Variants in IL19 observed in about 807,000 individuals in gnomAD.
The protein encoded by IL19 is interleukin-19.
A neutral mutation model predicts 19.5 loss-of-function variants in IL19; 15 were observed. The ratio of observed to expected loss-of-function variants is 0.77; its 90% CI spans 0.52 to 1.19. The LOEUF (loss-of-function observed/expected upper bound fraction) is 1.19. IL19 is among the 50% of genes most tolerant of loss of function. IL19 has a pLI of 0.00. For missense variants in IL19, 199 were observed against 213.1 expected (o/e 0.93, Z 0.41); for synonymous variants, 78 against 78.3 (o/e 1.00, Z 0.02).
At chr1:206,799,791 T>C (rs1178002966) in intron 2 of IL19, among the ~76,000 whole-genome samples, 1 of 152,204 alleles carries the variant, frequency 6.6e-6, no homozygotes, top group Non-Finnish European at 1.5e-5. Flanking sequence ...ACATCATCAA[T>C]GGTGTCCCAA....
intron 2 of IL19, among the ~76,000 whole-genome samples, chr1:206,804,683 A>G (rs913578659): frequency 1.3e-5 from 2 of 152,208 alleles, no homozygotes; most frequent in Admixed American, 6.5e-5. Context: ...TCAAACAGAG[A>G]TGCAAGAGAG....
intron 1 of IL19, among the ~76,000 whole-genome samples, chr1:206,793,025 A>G (rs1675443301): frequency 6.6e-6 from 1 of 152,232 alleles, no homozygotes; most frequent in Non-Finnish European, 1.5e-5. Context: ...AATGGTTTGC[A>G]TTTTAATGAC....
At chr1:206,816,423 A>G (rs1417640305) in intron 2 of IL19, among the ~76,000 whole-genome samples, 1 of 152,216 alleles carries the variant, frequency 6.6e-6, no homozygotes. Context: ...AGGCTCTTAT[A>G]CCTTACATGA....
intron 2 of IL19, among the ~76,000 whole-genome samples, chr1:206,814,462 G>A (rs1437660674): frequency 6.7e-6 from 1 of 148,790 alleles, no homozygotes; most frequent in East Asian, 1.9e-4. Context: ...AGGCTAAGGT[G>A]GGCAGATCAC....
chr1:206,807,103 G>A (rs1029960467), intron 2 of IL19, among the ~76,000 whole-genome samples: 10 of 152,144 alleles, frequency 6.6e-5, no homozygotes, highest in Non-Finnish European at 1.5e-4. Context: ...GCTGAGCAAA[G>A]AGGGAAAAGC....
intron 2 of IL19, among the ~76,000 whole-genome samples, chr1:206,825,478 T>C (rs1302933984): frequency 6.6e-6 from 1 of 152,246 alleles, no homozygotes; most frequent in Non-Finnish European, 1.5e-5. Context: ...TTTTGTTTAA[T>C]CTTCAACTTA....
At chr1:206,806,164 G>A (rs535743051) in intron 2 of IL19, among the ~76,000 whole-genome samples, 118 of 152,314 alleles carry the variant, frequency 7.7e-4, no homozygotes, top group African/African-American at 2.6e-3. Flanking sequence ...CAATTGAGAA[G>A]CGTTGTTGCC....
At chr1:206,834,775 T>C (rs1383302832) in intron 2 of IL19, among the ~76,000 whole-genome samples, 1 of 152,198 alleles carries the variant, frequency 6.6e-6, no homozygotes, top group Non-Finnish European at 1.5e-5. Flanking sequence ...AGAAATGGGT[T>C]CCTGTCTGTC....
At chr1:206,822,270 G>A (rs997319806) in intron 2 of IL19, among the ~76,000 whole-genome samples, 1 of 152,202 alleles carries the variant, frequency 6.6e-6, no homozygotes, top group Non-Finnish European at 1.5e-5. Flanking sequence ...AGCAAGATAA[G>A]TGGGAATGGC....
At chr1:206,795,925 ATATGTGTGTG>A (rs1181858544) in intron 1 of IL19, among the ~76,000 whole-genome samples, 4,459 of 132,318 alleles carry the variant, frequency 0.034, 111 homozygotes, top group Non-Finnish European at 0.046. Flanking sequence ...ATAAATATAT[ATATGTGTGTG>A]TGTGTGTGTG....
In IL19 at chr1:206,778,843, A is replaced by G. The variant is rs76272976; in HGVS notation, c.-149+7765A>G. Among the ~76,000 whole-genome samples, 24 of 152,298 alleles carry G rather than the reference A, an allele frequency of 1.6e-4. No individual in the cohort carries two copies. The East Asian group carries it at 4.0e-3, about 26-fold the overall frequency. ...TTCCTTGCCAATCTATGTTCAATCT[A>G]TCACCAGAACCTCCACATTTTTCTT... On this transcript the variant is annotated intron_variant, in intron 1 of 6. Transcript: ENST00000659997.
At chr1:206,785,700 T>C (rs1218549298) in intron 1 of IL19, among the ~76,000 whole-genome samples, 1 of 152,248 alleles carries the variant, frequency 6.6e-6, no homozygotes, top group Non-Finnish European at 1.5e-5. Context: ...ATTTCAGATG[T>C]TGCCTGAGGC....
chr1:206,790,706 C>A (rs1279992200), intron 1 of IL19, among the ~76,000 whole-genome samples: 1 of 152,140 alleles, frequency 6.6e-6, no homozygotes, highest in African/African-American at 2.4e-5. Context: ...CGAACTTGTC[C>A]GGGCCTCTGA....
chr1:206,776,909 C>CAAAAAAAAA (rs1186364224), intron 1 of IL19, among the ~76,000 whole-genome samples: 5 of 50,468 alleles, frequency 9.9e-5, no homozygotes, highest in Non-Finnish European at 1.8e-4. Flanking sequence ...CTTGCAACTA[C>CAAAAAAAAA]AAAAAAAAAA....
intron 2 of IL19, among the ~76,000 whole-genome samples, chr1:206,819,995 C>G (rs1039065995): frequency 6.6e-6 from 1 of 152,174 alleles, no homozygotes; most frequent in African/African-American, 2.4e-5. Context: ...TGGGCCATCC[C>G]CCTTTCCTTC....
intron 1 of IL19, among the ~76,000 whole-genome samples, chr1:206,779,547 C>T (rs1401136848): frequency 6.6e-6 from 1 of 152,158 alleles, no homozygotes; most frequent in Non-Finnish European, 1.5e-5. Flanking sequence ...AAAATAAATG[C>T]CAAATTGTTA....
chr1:206,790,990 G>A (rs904583653), intron 1 of IL19, among the ~76,000 whole-genome samples: 1 of 152,128 alleles, frequency 6.6e-6, no homozygotes, highest in Non-Finnish European at 1.5e-5. Context: ...ATTCTCTGTT[G>A]TGTGGTGCCT....
At chr1:206,824,472 G>C (rs1572567965) in intron 2 of IL19, among the ~76,000 whole-genome samples, 3 of 152,208 alleles carry the variant, frequency 2.0e-5, no homozygotes, top group Admixed American at 6.5e-5. Context: ...TTAAGTTTAT[G>C]TTTCTTGCAT....
intron 2 of IL19, among the ~76,000 whole-genome samples, chr1:206,836,431 T>G (rs557448872): frequency 2.3e-3 from 302 of 129,224 alleles, no homozygotes; most frequent in Non-Finnish European, 3.7e-3. Context: ...TTTTCTGGGG[T>G]GGAGGTGGGG....
Sources: gnomAD v4.1 joint callset for allele counts (sites outside exome capture counted in the v4.1 genomes callset) on GRCh38, gnomAD v4.1.1 for gene constraint, MANE v1.5 for transcripts, NCBI Gene and HGNC (gene_info 2026-07-23, HGNC 2026-07-21) for gene names.